USP24: variants seen among roughly 807,000 people sequenced by gnomAD.
USP24 encodes ubiquitin specific peptidase 24.
USP24 carries 97 observed loss-of-function variants against 361.6 expected under a neutral mutation model. The observed-to-expected ratio is 0.27, with a 90% CI of 0.23 to 0.32. USP24 has a LOEUF of 0.32. Ranked by LOEUF, USP24 falls within the 10% of genes least tolerant of loss-of-function variation. The pLI is 1.00. For synonymous variants in USP24, 1,098 were observed against 1,124.6 expected, an observed-to-expected ratio of 0.98 and a Z score of 0.47; for missense variants, 2,353 against 3,165.6, an observed-to-expected ratio of 0.74 and a Z score of 6.16.
At chr1:55,078,413 C>T (rs1645073907) in intron 61 of USP24, 125 bp downstream of exon 61, 1 of 550,844 alleles carries the variant, frequency 1.8e-6, no homozygotes, top group South Asian at 3.6e-5. Context: ...TGAGCCTATA[C>T]TAGAATGATT....
At chr1:55,183,842 G>GCTAT (rs1328405539) in intron 1 of USP24, among the ~76,000 whole-genome samples, 1 of 152,000 alleles carries the variant, frequency 6.6e-6, no homozygotes, top group Non-Finnish European at 1.5e-5. Flanking sequence ...AGCTGGAATG[G>GCTAT]CTATATTAGA....
intron 61 of USP24, 80 bp downstream of exon 61, chr1:55,078,458 C>A: frequency 9.2e-7 from 1 of 1,086,552 alleles, no homozygotes; most frequent in South Asian, 1.8e-5. Context: ...AACAAGCATA[C>A]TGCCTTGGAG....
intron 13 of USP24, 35 bp from the exon 14 acceptor site, chr1:55,154,501 G>A (rs1266464344): frequency 5.9e-6 from 9 of 1,537,860 alleles, no homozygotes; most frequent in East Asian, 4.9e-5. Context: ...ATTGCTTCAC[G>A]ATCAAACTGG....
At chr1:55,166,047 G>A (rs1368938767) in intron 6 of USP24, 97 bp from the exon 7 acceptor site, 3 of 1,034,842 alleles carry the variant, frequency 2.9e-6, no homozygotes, top group Non-Finnish European at 4.0e-6. Flanking sequence ...TATGTTTATG[G>A]GGCACACGAG....
rs1401130560 is a variant in USP24, at chr1:55,068,498, G to A, written c.*547C>T. ...ATCTGAAATTCTATACAAATAGGGAGACATATTAAATACAAAGGTCTGTGT... is the reference window on the plus strand; with the variant it reads ...ATCTGAAATTCTATACAAATAGGGAAACATATTAAATACAAAGGTCTGTGT... On this transcript the variant is annotated 3_prime_UTR_variant, in exon 68 of 68. Coordinates refer to ENST00000294383, the MANE Select transcript of USP24 (RefSeq NM_015306.3). 6.5e-6 allele frequency: 1 copy of A among 152,682 alleles called. No homozygotes were observed. The highest frequency in any genetic ancestry group is 1.5e-5 in the Non-Finnish European group (1 of 68,476). The allele number at this position is 152,682 out of a possible 1,614,324, so 9.5% of individuals were successfully genotyped here.
chr1:55,117,088 T>G (rs1321178129), intron 38 of USP24, among the ~76,000 whole-genome samples: 1 of 152,200 alleles, frequency 6.6e-6, no homozygotes, highest in East Asian at 1.9e-4. Flanking sequence ...AAGACCCACA[T>G]GATTATCTCA....
chr1:55,195,104 T>C (rs553479613), intron 1 of USP24, among the ~76,000 whole-genome samples: 15 of 152,246 alleles, frequency 9.9e-5, no homozygotes, highest in African/African-American at 3.6e-4. Context: ...CTCAGAAAGC[T>C]CCATTTGCTC....
intron 36 of USP24, among the ~76,000 whole-genome samples, chr1:55,123,102 T>A (rs1474188319): frequency 6.6e-6 from 1 of 152,198 alleles, no homozygotes; most frequent in African/African-American, 2.4e-5. Context: ...ACACAATTTT[T>A]AATACTAGAG....
intron 6 of USP24, 72 bp downstream of exon 6, chr1:55,166,496 T>C (rs1040865468): frequency 4.3e-6 from 6 of 1,384,124 alleles, no homozygotes; most frequent in African/African-American, 1.5e-5. Flanking sequence ...TTGCTTAATA[T>C]ACCAAACTCT....
intron 12 of USP24, 42 bp from the exon 13 acceptor site, chr1:55,154,820 C>G: frequency 6.6e-7 from 1 of 1,510,652 alleles, no homozygotes; most frequent in South Asian, 1.2e-5. Context: ...TCTTGGAACT[C>G]GGAACAACCT....
chr1:55,121,970 T>A (rs1428497570), intron 36 of USP24, among the ~76,000 whole-genome samples: 1 of 151,890 alleles, frequency 6.6e-6, no homozygotes, highest in Non-Finnish European at 1.5e-5. Context: ...AAAAGTGGAG[T>A]TGCTAAAACT....
chr1:55,171,744 AAAG>A (rs1177734486), intron 4 of USP24, 66 bp from the exon 5 acceptor site: 3 of 1,501,844 alleles, frequency 2.0e-6, no homozygotes, highest in South Asian at 1.3e-5. Context: ...TAGCATTAGA[AAAG>A]AAGATAAAAA....
rs376735678 is a variant in USP24, at chr1:55,101,598, G to A, written c.5131C>T (p.Pro1711Ser). Residue 1711 changes from proline (P) to serine (S), a missense_variant, in exon 43 of 68, where the codon CCT (proline) becomes TCT (serine). Coordinates refer to ENST00000294383, the MANE Select transcript of USP24 (RefSeq NM_015306.3). ...AAAGAAATCACCTCAGGGAGCCCAG[G>A]TTGCATATACAGCTGCTGGAAGACT... ...NAVFQQLYMQ[P>S]GLPESLLSVD... 1.2e-6 allele frequency: 2 copies of A among 1,611,730 alleles called. No individual in the cohort carries two copies. The highest frequency in any genetic ancestry group is 1.7e-6 in the Non-Finnish European group (2 of 1,178,932).
intron 1 of USP24, among the ~76,000 whole-genome samples, chr1:55,194,140 G>A (rs1362568398): frequency 1.3e-5 from 2 of 152,150 alleles, no homozygotes; most frequent in Non-Finnish European, 2.9e-5. Flanking sequence ...TTCTTCCAAA[G>A]CACTAGTATT....
chr1:55,093,857 A>C, intron 52 of USP24, 80 bp downstream of exon 52: 1 of 1,561,970 alleles, frequency 6.4e-7, no homozygotes, highest in Non-Finnish European at 8.7e-7. Flanking sequence ...CTAATCCAGC[A>C]GAAGTACTTC....
chr1:55,147,908 A>G (rs757377181), intron 17 of USP24, 110 bp from the exon 18 acceptor site: 31 of 1,149,186 alleles, frequency 2.7e-5, no homozygotes, highest in African/African-American at 4.7e-5. Context: ...CAAAGCAAAC[A>G]TAAGAATTTC....
intron 32 of USP24, 140 bp downstream of exon 32, chr1:55,129,337 A>T: frequency 1.7e-6 from 1 of 575,624 alleles, no homozygotes; most frequent in Non-Finnish European, 3.0e-6. Context: ...AAGGACTGAA[A>T]CATCATTCCT....
chr1:55,116,929 A>C (rs1009827432), intron 38 of USP24, among the ~76,000 whole-genome samples: 1 of 152,208 alleles, frequency 6.6e-6, no homozygotes, highest in African/African-American at 2.4e-5. Flanking sequence ...ATGAATGCTA[A>C]TGCAAAAATC....
At chr1:55,078,037 A>C (rs1316230368) in intron 61 of USP24, among the ~76,000 whole-genome samples, 3 of 152,238 alleles carry the variant, frequency 2.0e-5, no homozygotes, top group African/African-American at 7.2e-5. Flanking sequence ...TAAGAGCCTA[A>C]AGACATAATC....
Sources: allele counts gnomAD v4.1 joint callset (sites outside exome capture counted in the v4.1 genomes callset), GRCh38; gene constraint gnomAD v4.1.1; transcripts MANE v1.5; gene names NCBI Gene and HGNC (gene_info 2026-07-23, HGNC 2026-07-21).